The following FAM120C variants were observed in gnomAD, a reference collection of about 807,000 sequenced individuals.
FAM120C encodes family with sequence similarity 120 member C.
In FAM120C, 14 loss-of-function variants were observed where a neutral mutation model predicts 71.2. That is an observed-to-expected ratio of 0.20 (90% CI 0.13 to 0.31). The LOEUF (loss-of-function observed/expected upper bound fraction) is 0.31. Among genes scored for constraint, FAM120C ranks in the 10% least tolerant of loss-of-function variants. The probability of loss-of-function intolerance (pLI) is 1.00; values close to 1 mark genes in which losing one functional copy is unlikely to be tolerated. For missense variants in FAM120C, 500 were observed against 879.0 expected (o/e 0.57, Z 5.45); for synonymous variants, 354 against 353.2 (o/e 1.00, Z -0.03).
At chrX:54,078,029 C>T (rs1398634278) in intron 15 of FAM120C, among the ~76,000 whole-genome samples, 8 of 96,821 alleles carry the variant, frequency 8.3e-5, no homozygotes, top group African/African-American at 1.5e-4. Context: ...CTGCAAGCTC[C>T]GCCTCCCGGG....
chrX:54,150,619 C>T (rs1557132886), intron 4 of FAM120C, among the ~76,000 whole-genome samples: 1 of 109,027 alleles, frequency 9.2e-6, no homozygotes, highest in African/African-American at 3.3e-5. Flanking sequence ...ACCATGTGTA[C>T]ACTGAAACAA....
chrX:54,157,810 T>G (rs1039531036), intron 2 of FAM120C, 39 bp from the exon 3 acceptor site: 2 of 1,008,534 alleles, frequency 2.0e-6, no homozygotes, highest in African/African-American at 3.7e-5. Context: ...TGTACAAATG[T>G]TTTCTTAGAA....
intron 13 of FAM120C, among the ~76,000 whole-genome samples, chrX:54,082,266 T>C (rs2066770108): frequency 9.1e-6 from 1 of 110,227 alleles, no homozygotes; most frequent in South Asian, 3.9e-4. Flanking sequence ...GGGCCGGAGA[T>C]CTGTACACAT....
intron 4 of FAM120C, among the ~76,000 whole-genome samples, chrX:54,146,863 G>A (rs2067158919): frequency 8.9e-6 from 1 of 112,011 alleles, no homozygotes; most frequent in Non-Finnish European, 1.9e-5. Flanking sequence ...TAACAAAAGT[G>A]CAAAGGTAAT....
intron 9 of FAM120C, among the ~76,000 whole-genome samples, chrX:54,131,435 A>AT (rs782721502): frequency 0.018 from 1,698 of 95,906 alleles, 36 homozygotes; most frequent in African/African-American, 0.058. Flanking sequence ...TGCCCAGCTA[A>AT]TTTTTTTTTT....
At chrX:54,085,975 T>A in intron 12 of FAM120C, 59 bp from the exon 13 acceptor site, 7 of 1,041,390 alleles carry the variant, frequency 6.7e-6, no homozygotes, top group Non-Finnish European at 6.7e-6. Flanking sequence ...TCCCATGTTT[T>A]AGGCCCAGGA....
intron 9 of FAM120C, among the ~76,000 whole-genome samples, chrX:54,117,962 G>C (rs947301990): frequency 9.0e-6 from 1 of 111,415 alleles, no homozygotes; most frequent in Admixed American, 9.6e-5. Context: ...GGTGGTTCAC[G>C]CCTGTAATCC....
intron 10 of FAM120C, among the ~76,000 whole-genome samples, chrX:54,109,682 G>A (rs1178576326): frequency 9.5e-6 from 1 of 105,660 alleles, no homozygotes; most frequent in Non-Finnish European, 1.9e-5. Context: ...TTCTGGTAAC[G>A]AATACCTGAA....
intron 1 of FAM120C, among the ~76,000 whole-genome samples, chrX:54,163,539 C>T (rs1025179862): frequency 3.6e-5 from 4 of 111,203 alleles, no homozygotes; most frequent in Non-Finnish European, 7.5e-5. Context: ...AAGACTAGTA[C>T]GTATTGGTTT....
intron 1 of FAM120C, among the ~76,000 whole-genome samples, chrX:54,163,866 GC>G (rs1329214011): frequency 9.3e-6 from 1 of 107,175 alleles, no homozygotes; most frequent in Non-Finnish European, 1.9e-5. Flanking sequence ...CATCTACCTT[GC>G]CCCCCTCCTT....
chrX:54,112,700 G>A (rs1256952960), intron 10 of FAM120C, among the ~76,000 whole-genome samples: 1 of 110,281 alleles, frequency 9.1e-6, no homozygotes, highest in East Asian at 2.9e-4. Flanking sequence ...AATTAGCCAG[G>A]CATGGTGGCG....
At chrX:54,073,427 T>A in intron 15 of FAM120C, 140 bp from the exon 16 acceptor site, 1 of 544,315 alleles carries the variant, frequency 1.8e-6, no homozygotes, top group Non-Finnish European at 2.7e-6. Flanking sequence ...TGACAACTAG[T>A]ACAATCTTTT....
intron 10 of FAM120C, among the ~76,000 whole-genome samples, chrX:54,107,811 G>A (rs189305390): frequency 9.8e-6 from 1 of 101,541 alleles, no homozygotes; most frequent in Non-Finnish European, 2.0e-5. Flanking sequence ...TGTGAGCCAT[G>A]GTGCTCGGCC....
chrX:54,072,778 T>C lies in FAM120C; in HGVS notation c.*255A>G. ...GAGGAGATAAATAAACTATTGGTGC[T>C]ATATCTTCAATTTGAGACTAGGACC... On this transcript the variant is annotated 3_prime_UTR_variant, in exon 16 of 16. Coordinates refer to ENST00000375180, the MANE Select transcript of FAM120C (RefSeq NM_017848.6). 1 of 309,182 alleles carries C rather than the reference T, an allele frequency of 3.2e-6. No homozygotes were observed. The highest frequency in any genetic ancestry group is 5.0e-5 in the East Asian group (1 of 19,910). 25.5% of individuals were successfully genotyped at this position (309,182 alleles called of 1,213,427 possible). A position where few individuals can be genotyped will look rare whatever the true frequency, so the allele number is the denominator to read the frequency against.
intron 10 of FAM120C, among the ~76,000 whole-genome samples, chrX:54,104,819 A>G (rs1183201610): frequency 9.1e-6 from 1 of 110,301 alleles, no homozygotes; most frequent in Admixed American, 9.8e-5. Context: ...GGGGGGGAAA[A>G]AAAAGAAAAA....
chrX:54,108,500 G>C (rs2066918272), intron 10 of FAM120C, among the ~76,000 whole-genome samples: 1 of 111,509 alleles, frequency 9.0e-6, no homozygotes, highest in South Asian at 3.8e-4. Flanking sequence ...AAAAAGAAAA[G>C]AGTGGAGATT....
At position 54,091,388 on chromosome X, in the gene FAM120C, C is replaced by T. The variant is rs782116157; in HGVS notation, c.2351G>A (p.Arg784His). The part of the protein sequence containing the change: ...VQWPGGRILH[R>H]HELDTFLAQA... ...TGCAAGGAAGGTGTCTAGCTCATGGCGATGCAGGATTCGGCCACCAGGCCA... is the reference window on the plus strand; with the variant it reads ...TGCAAGGAAGGTGTCTAGCTCATGGTGATGCAGGATTCGGCCACCAGGCCA... The change falls in exon 11 of 16, where the codon CGC becomes CAC. Residue 784 changes from arginine to histidine, a missense_variant. This residue lies in a region of FAM120C where 104 missense variants were observed against 254.5 expected (regional missense o/e 0.41). Transcript: ENST00000375180. The T allele has an allele frequency of 4.1e-6, 5 of 1,208,931 alleles. No homozygotes were observed. The highest frequency in any genetic ancestry group is 3.5e-5 in the South Asian group (2 of 56,729).
At chrX:54,173,022 C>T (rs2060822113) in intron 1 of FAM120C, among the ~76,000 whole-genome samples, 1 of 112,301 alleles carries the variant, frequency 8.9e-6, no homozygotes, top group African/African-American at 3.2e-5. Flanking sequence ...AAAGTATTTC[C>T]TACCTTTGCA....
rs1019245255 is a variant in FAM120C, at chrX:54,101,179, G to T, written c.2313-9753C>A. The stretch of plus-strand genomic sequence containing the variant: ...CCATGTGGATGCCACCAAGGTTTAC[G>T]ACTTGTACCTTCCTGAGCTGAGACA... On this transcript the variant is annotated intron_variant, in intron 10 of 15. Coordinates refer to ENST00000375180, the MANE Select transcript of FAM120C (RefSeq NM_017848.6). 5.4e-5 allele frequency among the ~76,000 whole-genome samples: 6 copies of T among 111,606 alleles called. 1 individual carries two copies. In the Admixed American group the frequency reaches 5.7e-4, roughly 11 times the overall value.
Sources: allele counts gnomAD v4.1 joint callset (sites outside exome capture counted in the v4.1 genomes callset), GRCh38; gene constraint gnomAD v4.1.1; regional missense constraint gnomAD v4.1.1; transcripts MANE v1.5; gene names NCBI Gene and HGNC (gene_info 2026-07-23, HGNC 2026-07-21).